The following MITF variants were observed in gnomAD, a reference collection of about 807,000 sequenced individuals.
MITF encodes melanocyte inducing transcription factor, also known as microphthalmia-associated transcription factor.
A neutral mutation model predicts 60.5 loss-of-function variants in MITF; 17 were observed. The observed-to-expected ratio is 0.28, with a 90% CI of 0.19 to 0.42. The LOEUF is 0.42. Ranked by LOEUF, MITF falls within the 10% of genes least tolerant of loss-of-function variation. MITF has a pLI of 1.00. For missense variants in MITF, 622 were observed against 683.5 expected (o/e 0.91, Z 1.00); for synonymous variants, 260 against 248.5 (o/e 1.05, Z -0.43).
chr3:69,827,208 G>A (rs1205617709), intron 1 of MITF, among the ~76,000 whole-genome samples: 1 of 152,134 alleles, frequency 6.6e-6, no homozygotes, highest in Non-Finnish European at 1.5e-5. Context: ...GAGGACTTGA[G>A]AAAATTCAGC....
At chr3:69,805,466 G>T (rs201203686) in intron 1 of MITF, among the ~76,000 whole-genome samples, 1 of 151,478 alleles carries the variant, frequency 6.6e-6, no homozygotes, top group East Asian at 1.9e-4. Context: ...GGTTTCTTGG[G>T]TTTTTTTGCA....
At chr3:69,872,864 A>C (rs1263209668) in intron 1 of MITF, among the ~76,000 whole-genome samples, 1 of 152,166 alleles carries the variant, frequency 6.6e-6, no homozygotes, top group African/African-American at 2.4e-5. Flanking sequence ...TTTTCTCCCT[A>C]TGTACTGTGA....
chr3:69,959,955 A>T (rs974076674), intron 9 of MITF, among the ~76,000 whole-genome samples: 1 of 152,210 alleles, frequency 6.6e-6, no homozygotes, highest in Non-Finnish European at 1.5e-5. Context: ...TTTAATATTC[A>T]TGAGTCAACA....
chr3:69,780,142 A>G (rs1302932345), intron 1 of MITF, among the ~76,000 whole-genome samples: 2 of 152,132 alleles, frequency 1.3e-5, no homozygotes, highest in Non-Finnish European at 2.9e-5. Flanking sequence ...AGATGATCTA[A>G]TAGAGACAGG....
intron 1 of MITF, among the ~76,000 whole-genome samples, chr3:69,766,376 A>ATTTTTTTTTTT (rs753953309): frequency 7.4e-5 from 7 of 95,122 alleles, no homozygotes; most frequent in African/African-American, 3.2e-4. Context: ...TGCCCAGCTA[A>ATTTTTTTTTTT]TTTTTTTTTT....
chr3:69,832,771 GT>G (rs1157602443), intron 1 of MITF, among the ~76,000 whole-genome samples: 2 of 152,020 alleles, frequency 1.3e-5, no homozygotes, highest in Non-Finnish European at 2.9e-5. Context: ...CACTATATGT[GT>G]TTTTTTGCCT....
chr3:69,953,641 A>ATG (rs1192611687), intron 7 of MITF, among the ~76,000 whole-genome samples: 11 of 133,902 alleles, frequency 8.2e-5, no homozygotes, highest in African/African-American at 2.9e-4. Context: ...ATATATATAT[A>ATG]TGTATGTATA....
Position 69,879,203 on chromosome 3 carries a change from G to A in MITF, c.174G>A (p.Leu58=), listed in dbSNP as rs1311178415. The change falls in exon 2 of 10, where the codon TTG becomes TTA. Residue 58 remains leucine, a synonymous_variant. Coordinates refer to ENST00000352241, the MANE Select transcript of MITF (RefSeq NM_001354604.2). ...ISSSSMTSRI[L]LRQQLMREQM... is the part of the protein sequence containing the mutation. The stretch of plus-strand genomic sequence containing the variant: ...CCTCCAGTATGACATCACGCATCTT[G>A]CTACGCCAGCAACTCATGCGTGAGC... 1 of 1,614,128 alleles carries A rather than the reference G, an allele frequency of 6.2e-7. No individual in the cohort carries two copies.
intron 1 of MITF, among the ~76,000 whole-genome samples, chr3:69,867,780 G>A (rs1437644777): frequency 6.6e-6 from 1 of 152,156 alleles, no homozygotes; most frequent in Non-Finnish European, 1.5e-5. Flanking sequence ...TGGTAGTAAT[G>A]TCAAACCTGA....
chr3:69,874,192 G>C (rs998255541), intron 1 of MITF, among the ~76,000 whole-genome samples: 2 of 152,144 alleles, frequency 1.3e-5, no homozygotes, highest in Middle Eastern at 3.2e-3. Context: ...ATTTTTTACT[G>C]AATAAAAATG....
intron 1 of MITF, among the ~76,000 whole-genome samples, chr3:69,871,685 G>T (rs1363800656): frequency 6.6e-6 from 1 of 152,110 alleles, no homozygotes; most frequent in Non-Finnish European, 1.5e-5. Flanking sequence ...AAGTGATGGT[G>T]GTCTAAGGCT....
At chr3:69,808,018 A>G (rs2063038165) in intron 1 of MITF, among the ~76,000 whole-genome samples, 1 of 149,608 alleles carries the variant, frequency 6.7e-6, no homozygotes, top group Admixed American at 6.7e-5. Flanking sequence ...AGCCTGTTTT[A>G]TAAATAAAAA....
chr3:69,905,524 G>A (rs1336289680), intron 2 of MITF, among the ~76,000 whole-genome samples: 2 of 152,016 alleles, frequency 1.3e-5, no homozygotes, highest in South Asian at 2.1e-4. Flanking sequence ...GAATCATATA[G>A]TAGACATATA....
At chr3:69,893,527 C>T (rs956257271) in intron 2 of MITF, among the ~76,000 whole-genome samples, 4 of 152,180 alleles carry the variant, frequency 2.6e-5, no homozygotes, top group East Asian at 3.9e-4. Flanking sequence ...CGGTGCCAGG[C>T]GCAATACTTT....
At chr3:69,800,369 T>C (rs569342566) in intron 1 of MITF, among the ~76,000 whole-genome samples, 1 of 152,298 alleles carries the variant, frequency 6.6e-6, no homozygotes, top group South Asian at 2.1e-4. Context: ...GACATTTGAA[T>C]TGCTTCCACT....
chr3:69,951,288 A>G (rs1196419685), intron 6 of MITF, among the ~76,000 whole-genome samples: 3 of 151,354 alleles, frequency 2.0e-5, no homozygotes, highest in Non-Finnish European at 4.4e-5. Flanking sequence ...TGTAAAGACC[A>G]AGGCTGATCT....
chr3:69,786,576 G>C (rs1281539834), intron 1 of MITF, among the ~76,000 whole-genome samples: 1 of 152,074 alleles, frequency 6.6e-6, no homozygotes, highest in African/African-American at 2.4e-5. Flanking sequence ...GCTCTCAGGA[G>C]ACATATCTTC....
chr3:69,938,191 C>A, intron 3 of MITF, 142 bp downstream of exon 3: 1 of 1,155,702 alleles, frequency 8.7e-7, no homozygotes, highest in Non-Finnish European at 1.3e-6. Context: ...ACCATCGTGG[C>A]TGTGGCATTC....
intron 4 of MITF, among the ~76,000 whole-genome samples, chr3:69,939,839 A>G (rs765967342): frequency 1.3e-5 from 2 of 152,134 alleles, no homozygotes; most frequent in African/African-American, 4.8e-5. Flanking sequence ...CACTAATTTT[A>G]TTTTTCTAAG....
Sources: allele counts gnomAD v4.1 joint callset (sites outside exome capture counted in the v4.1 genomes callset), GRCh38; gene constraint gnomAD v4.1.1; transcripts MANE v1.5; gene names NCBI Gene and HGNC (gene_info 2026-07-23, HGNC 2026-07-21).